RBM14: variants seen among roughly 807,000 people sequenced by gnomAD.
RBM14 encodes RNA binding motif protein 14, also known as RNA-binding protein 14.
In RBM14, 5 loss-of-function variants were observed where a neutral mutation model predicts 52.8. The ratio of observed to expected loss-of-function variants is 0.09; its 90% CI spans 0.05 to 0.20. The LOEUF (loss-of-function observed/expected upper bound fraction) is 0.20. RBM14 is among the 10% of genes least tolerant of loss of function. The pLI, the probability that RBM14 is intolerant of heterozygous loss-of-function variation, is 1.00. For missense variants in RBM14, 780 were observed against 926.6 expected (o/e 0.84, Z 2.05); for synonymous variants, 411 against 401.8 (o/e 1.02, Z -0.28).
chr11:66,622,085 T>G (rs1318796913), intron 1 of RBM14, among the ~76,000 whole-genome samples: 1 of 151,858 alleles, frequency 6.6e-6, no homozygotes, highest in Non-Finnish European at 1.5e-5. Flanking sequence ...CCTGGTAATT[T>G]TTGTATTTTT....
intron 1 of RBM14, chr11:66,618,387 G>T: frequency 4.6e-6 from 3 of 654,146 alleles, no homozygotes; most frequent in Non-Finnish European, 8.6e-6. Context: ...ACATGTTTGG[G>T]GCCATTCCTA....
chr11:66,617,559 G>A (rs1858895058), intron 1 of RBM14: 1 of 989,300 alleles, frequency 1.0e-6, no homozygotes, highest in Non-Finnish European at 1.2e-6. Context: ...AGGTAACGGG[G>A]CCCTTGGACG....
Position 66,626,636 on chromosome 11 carries a change from C to G in RBM14, c.1978C>G (p.Gln660Glu). The change falls in exon 3 of 3, where the codon CAG becomes GAG. Residue 660 changes from glutamine (Q) to glutamate (E), a missense_variant. By Grantham distance (29) the Gln-to-Glu change is conservative (BLOSUM62 2). This residue lies in a region of RBM14 where 675 missense variants were observed against 697.3 expected (regional missense o/e 0.97). Transcript: ENST00000310137. ...CTATAATGATTACCTGCGGGCGGCT[C>G]AGATGCACTCTGGCTACCAGCGCCG... Reference protein sequence around the residue: ...GSYNDYLRAAQMHSGYQRRM With the variant: ...GSYNDYLRAAEMHSGYQRRM 6.2e-7 allele frequency: 1 copy of G among 1,611,418 alleles called. No individual in the cohort carries two copies. Among genetic ancestry groups the G allele is most frequent in the Non-Finnish European group, 8.5e-7 (1 of 1,179,276 alleles).
chr11:66,629,619 GA>G lies in RBM14; in HGVS notation c.*2952del, dbSNP rs1397967123. Among the ~76,000 whole-genome samples the G allele has an allele frequency of 6.6e-6, 1 of 152,168 alleles. No homozygotes were observed. Among genetic ancestry groups the G allele is most frequent in the Non-Finnish European group, 1.5e-5 (1 of 68,026 alleles). On this transcript the variant is annotated 3_prime_UTR_variant, in exon 3 of 3. Transcript: ENST00000310137. The stretch of plus-strand genomic sequence containing the variant: ...GGTCATCATGAAAACAGATTTACTG[GA>G]TTTATGGACCTAGTATATACTATGT...
In RBM14 at chr11:66,629,345, A is replaced by T. The variant is rs1396902152; in HGVS notation, c.*2677A>T. On this transcript the variant is annotated 3_prime_UTR_variant, in exon 3 of 3. Transcript: ENST00000310137. The stretch of plus-strand genomic sequence containing the variant: ...TTATTCCTGGAACAAGACCACCTAG[A>T]GGCTTTTAGCCTTGTCAGCCTGCCC... Among the ~76,000 whole-genome samples the T allele has an allele frequency of 6.6e-6, 1 of 152,184 alleles. No homozygotes were observed. Among genetic ancestry groups the T allele is most frequent in the African/African-American group, 2.4e-5 (1 of 41,450 alleles).
At position 66,622,234 on chromosome 11, in the gene RBM14, CTTTTTTTT is replaced by C. The variant is rs377533228; in HGVS notation, c.338-1972_338-1965del. On this transcript the variant is annotated intron_variant, in intron 1 of 2. Transcript: ENST00000310137. ...CTTGGCTAGTTTCTTTTCTTTTTTT[CTTTTTTTT>C]TTTTTTTGAAATGGAGTCTTGCTGT... is the stretch of plus-strand genomic sequence containing the variant. Among the ~76,000 whole-genome samples the C allele has an allele frequency of 6.9e-3, 976 of 140,538 alleles. 13 individuals carry two copies. The highest frequency in any genetic ancestry group is 0.023 in the African/African-American group (874 of 38,536). 92.2% of individuals were successfully genotyped at this position (140,538 alleles called of 152,430 possible). A position where few individuals can be genotyped will look rare whatever the true frequency, so the allele number is the denominator to read the frequency against.
intron 1 of RBM14, among the ~76,000 whole-genome samples, chr11:66,619,776 C>T (rs1384261579): frequency 6.6e-6 from 1 of 152,180 alleles, no homozygotes; most frequent in African/African-American, 2.4e-5. Context: ...CTGTGTTAGC[C>T]AGGATGGTCT....
At chr11:66,617,289 G>A (rs1468179960) in intron 1 of RBM14, 4 of 1,340,818 alleles carry the variant, frequency 3.0e-6, no homozygotes, top group Non-Finnish European at 3.8e-6. Context: ...CGGCCACTGC[G>A]AGCCAAGCTA....
rs1485337883 is a variant in RBM14 at position 66,616,685 on chromosome 11, G to A, written c.-36G>A. 3 of 1,559,148 alleles carry A rather than the reference G, an allele frequency of 1.9e-6. No homozygotes were observed. The highest frequency in any genetic ancestry group is 2.6e-6 in the Non-Finnish European group (3 of 1,146,854). ...CGTCTTGCCTGTCGCTGGAGGAGAG[G>A]TCCGGGCTCTCCAGGAAGGTGGCTG... is the stretch of plus-strand genomic sequence containing the variant. On this transcript the variant is annotated 5_prime_UTR_variant, in exon 1 of 3. Coordinates refer to ENST00000310137, the MANE Select transcript of RBM14 (RefSeq NM_006328.4).
chr11:66,617,349 C>G, intron 1 of RBM14: 1 of 1,244,834 alleles, frequency 8.0e-7, no homozygotes, highest in Non-Finnish European at 1.0e-6. Flanking sequence ...GGGGGCGCGC[C>G]TTCTCCTGGT....
intron 1 of RBM14, among the ~76,000 whole-genome samples, chr11:66,621,668 C>T (rs1410052629): frequency 2.0e-5 from 3 of 152,048 alleles, no homozygotes; most frequent in East Asian, 1.9e-4. Context: ...TGAGTCATTG[C>T]GCCTGGTCTC....
chr11:66,619,897 G>C (rs1859026078), intron 1 of RBM14, among the ~76,000 whole-genome samples: 1 of 152,258 alleles, frequency 6.6e-6, no homozygotes, highest in Admixed American at 6.5e-5. Flanking sequence ...CTTAAGATAG[G>C]AGAACTTGTT....
chr11:66,624,527 G>GCGC lies in RBM14; in HGVS notation c.654_656dup (p.Arg219dup). 6.2e-7 allele frequency: 1 copy of GCGC among 1,613,584 alleles called. No individual in the cohort carries two copies. The highest frequency in any genetic ancestry group is 8.5e-7 in the Non-Finnish European group (1 of 1,179,974). The stretch of plus-strand genomic sequence containing the variant: ...TCTTTGGTCGCGACCGCAGCCCTCT[G>GCGC]CGCCGTTCACCTCCCCGAGCCTCTT... On this transcript the variant is annotated inframe_insertion, in exon 2 of 3. Coordinates refer to ENST00000310137, the MANE Select transcript of RBM14 (RefSeq NM_006328.4). The surrounding 1 kb of genome is among the most constrained non-coding windows in gnomAD (Gnocchi z 4.7).
chr11:66,624,079 C>A lies in RBM14; in HGVS notation c.338-135C>A. The A allele has an allele frequency of 2.1e-6, 3 of 1,438,334 alleles. No individual in the cohort carries two copies. The highest frequency in any genetic ancestry group is 2.9e-6 in the Non-Finnish European group (3 of 1,042,700). 89.1% of individuals were successfully genotyped at this position (1,438,334 alleles called of 1,614,324 possible). On this transcript the variant is annotated intron_variant, in intron 1 of 2. Transcript: ENST00000310137. The surrounding 1 kb of genome is among the most constrained non-coding windows in gnomAD (Gnocchi z 4.7). ...TATGGGAGCTACATTTTATGACATA[C>A]TCCTGGAGAGGAGGGTTTGGAGGCC...
chr11:66,623,992 G>C, intron 1 of RBM14: 1 of 798,272 alleles, frequency 1.3e-6, no homozygotes, highest in Non-Finnish European at 2.2e-6. Context: ...GTTTGTAAAG[G>C]GGAGAATGGG....
chr11:66,628,504 T>G lies in RBM14; in HGVS notation c.*1836T>G, dbSNP rs1384615767. 8.3e-6 allele frequency among the ~76,000 whole-genome samples: 1 copy of G among 120,078 alleles called. No homozygotes were observed. 78.8% of individuals were successfully genotyped at this position (120,078 alleles called of 152,430 possible). On this transcript the variant is annotated 3_prime_UTR_variant, in exon 3 of 3. Coordinates refer to ENST00000310137, the MANE Select transcript of RBM14 (RefSeq NM_006328.4). ...TCGATCTTATGACCGTGAGTTCTTA[T>G]TTGTGGATGCTAACTGGGGTAATCT...
chr11:66,626,404 A>T, intron 2 of RBM14, 57 bp from the exon 3 acceptor site: 3 of 1,524,218 alleles, frequency 2.0e-6, no homozygotes, highest in Middle Eastern at 3.4e-4. Flanking sequence ...CCCAATGCCC[A>T]CCTGGAGTCC....
chr11:66,616,825 A>C lies in RBM14; in HGVS notation c.105A>C (p.Lys35Asn). Residue 35 changes from lysine (K) to asparagine (N), a missense_variant, in exon 1 of 3, where the codon AAA becomes AAC. This residue lies in a region of RBM14 where 71 missense variants were observed against 119.2 expected (regional missense o/e 0.60). Transcript: ENST00000310137. The stretch of plus-strand genomic sequence containing the variant: ...CGGTCATGAGCTGCGCCGTCATGAA[A>C]CAGTTCGCCTTCGTGCACATGCGCG... ...YGTVMSCAVM[K>N]QFAFVHMREN... 6.2e-7 allele frequency: 1 copy of C among 1,612,576 alleles called. No individual in the cohort carries two copies. The highest frequency in any genetic ancestry group is 8.5e-7 in the Non-Finnish European group (1 of 1,179,722).
rs1302780901 is a variant in RBM14 at position 66,627,834 on chromosome 11, C to T, written c.*1166C>T. On this transcript the variant is annotated 3_prime_UTR_variant, in exon 3 of 3. Transcript: ENST00000310137. ...ACCAGTAGTGGAGTGGGGGTAATGG[C>T]GTTGCCTGATACTGCCCTATGGTTG... Among the ~76,000 whole-genome samples, 5 of 152,000 alleles carry T rather than the reference C, an allele frequency of 3.3e-5. No individual in the cohort carries two copies. Among genetic ancestry groups the T allele is most frequent in the East Asian group, 1.9e-4 (1 of 5,182 alleles).
Sources: allele counts gnomAD v4.1 joint callset (sites outside exome capture counted in the v4.1 genomes callset), GRCh38; gene constraint gnomAD v4.1.1; regional missense constraint gnomAD v4.1.1; non-coding constraint Gnocchi (gnomAD v3.1); transcripts MANE v1.5; gene names NCBI Gene and HGNC (gene_info 2026-07-23, HGNC 2026-07-21).